The following ANKRD36 variants were observed in gnomAD, a reference collection of about 807,000 sequenced individuals.
The protein encoded by ANKRD36 is ankyrin repeat domain 36, also known as ankyrin repeat domain-containing protein 36A.
ANKRD36 carries 179 observed loss-of-function variants against 278.1 expected under a neutral mutation model. The ratio of observed to expected loss-of-function variants is 0.64; its 90% CI spans 0.57 to 0.73. The LOEUF is 0.73. Ranked by LOEUF, ANKRD36 falls within the 30% of genes least tolerant of loss-of-function variation. The pLI is 0.00. For missense variants in ANKRD36, 1,159 were observed against 1,956.7 expected (o/e 0.59, Z 7.69); for synonymous variants, 320 against 641.1 (o/e 0.50, Z 7.57).
At chr2:97,211,251 C>G (rs1352236499) in intron 56 of ANKRD36, among the ~76,000 whole-genome samples, 1 of 151,920 alleles carries the variant, frequency 6.6e-6, no homozygotes, top group Non-Finnish European at 1.5e-5. Flanking sequence ...TTTTAGATCA[C>G]TTTGTCCTCA....
chr2:97,216,443 G>T (rs1430725809), intron 62 of ANKRD36, among the ~76,000 whole-genome samples: 7 of 152,056 alleles, frequency 4.6e-5, no homozygotes, highest in Non-Finnish European at 7.3e-5. Flanking sequence ...GCTTGTAGCA[G>T]TTTTACTTTG....
intron 11 of ANKRD36, among the ~76,000 whole-genome samples, chr2:97,148,997 T>C (rs1276220599): frequency 1.4e-4 from 21 of 152,052 alleles, no homozygotes; most frequent in Admixed American, 3.3e-4. Flanking sequence ...CAAATTATTG[T>C]CTGGCTGTGC....
chr2:97,133,804 G>C (rs1404913670), intron 6 of ANKRD36, among the ~76,000 whole-genome samples: 3 of 151,938 alleles, frequency 2.0e-5, no homozygotes, highest in Non-Finnish European at 4.4e-5. Context: ...ATATTGAAAA[G>C]AACCTAAAGA....
At chr2:97,129,385 GA>G (rs1353033833) in intron 6 of ANKRD36, among the ~76,000 whole-genome samples, 1 of 152,010 alleles carries the variant, frequency 6.6e-6, no homozygotes, top group African/African-American at 2.4e-5. Context: ...TTTGTCAGAT[GA>G]GTAGGTTGCA....
intron 67 of ANKRD36, among the ~76,000 whole-genome samples, chr2:97,227,719 T>A (rs2070365540): frequency 6.6e-6 from 1 of 152,146 alleles, no homozygotes; most frequent in African/African-American, 2.4e-5. Flanking sequence ...GTGCCAGTTT[T>A]CAAAGGGAAT....
rs559187497 is a variant in ANKRD36 at position 97,182,237 on chromosome 2, A to G, written c.1837+444A>G. On this transcript the variant is annotated intron_variant, in intron 26 of 75. Transcript: ENST00000420699. ...GATGTAGCAATGACTTTCCTCAAGG[A>G]AGAGGATTGTCAGGCAGGAAGGAGG... is the stretch of plus-strand genomic sequence containing the variant. Among the ~76,000 whole-genome samples the G allele has an allele frequency of 1.2e-4, 18 of 146,178 alleles. No homozygotes were observed. The East Asian group carries it at 3.2e-3, about 26-fold the overall frequency.
chr2:97,179,793 A>T (rs2055581760), intron 23 of ANKRD36, 27 bp downstream of exon 23: 2 of 1,596,592 alleles, frequency 1.3e-6, no homozygotes, highest in African/African-American at 1.3e-5. Flanking sequence ...TTATATGTTG[A>T]ACTATTAACT....
chr2:97,132,050 A>G (rs1359269523), intron 6 of ANKRD36, among the ~76,000 whole-genome samples: 2 of 151,930 alleles, frequency 1.3e-5, no homozygotes, highest in African/African-American at 4.8e-5. Context: ...GATGGTCTGC[A>G]TCTCCTGACC....
chr2:97,157,435 C>G (rs1220203004), intron 15 of ANKRD36, among the ~76,000 whole-genome samples: 1 of 142,786 alleles, frequency 7.0e-6, no homozygotes, highest in Admixed American at 7.0e-5. Context: ...CCTTGCAGAC[C>G]GCATGTCTTT....
At chr2:97,186,845 T>A (rs2057507269) in intron 30 of ANKRD36, among the ~76,000 whole-genome samples, 1 of 151,920 alleles carries the variant, frequency 6.6e-6, no homozygotes, top group South Asian at 2.1e-4. Context: ...TGGGTGCATG[T>A]GCCACCTGCT....
chr2:97,185,790 T>A (rs948534979), intron 30 of ANKRD36, among the ~76,000 whole-genome samples: 1 of 151,784 alleles, frequency 6.6e-6, no homozygotes, highest in Admixed American at 6.6e-5. Context: ...ATAATTTTGC[T>A]TTAATTCTAC....
At chr2:97,131,814 T>G (rs1305156187) in intron 6 of ANKRD36, among the ~76,000 whole-genome samples, 1 of 151,934 alleles carries the variant, frequency 6.6e-6, no homozygotes, top group African/African-American at 2.4e-5. Flanking sequence ...CAAATTATTT[T>G]ATGTATGTTT....
intron 75 of ANKRD36, among the ~76,000 whole-genome samples, chr2:97,252,630 GTT>G (rs534578942): frequency 7.4e-6 from 1 of 134,380 alleles, no homozygotes; most frequent in African/African-American, 2.7e-5. Context: ...TGCCCAGCTA[GTT>G]TTTTTTTGTA....
intron 34 of ANKRD36, among the ~76,000 whole-genome samples, chr2:97,190,298 T>C (rs2058230563): frequency 1.1e-5 from 1 of 90,578 alleles, no homozygotes; most frequent in African/African-American, 2.6e-5. Flanking sequence ...TTATTGAGGC[T>C]GATATATTAT....
chr2:97,142,900 A>T, intron 8 of ANKRD36, 65 bp downstream of exon 8: 2 of 1,482,780 alleles, frequency 1.3e-6, no homozygotes, highest in Non-Finnish European at 1.8e-6. Context: ...TGTTCACTGA[A>T]TAAATCGCAG....
At chr2:97,203,955 AG>A (rs2062091197) in intron 48 of ANKRD36, 112 bp from the exon 49 acceptor site, 1 of 1,471,090 alleles carries the variant, frequency 6.8e-7, no homozygotes, top group African/African-American at 1.4e-5. Context: ...AAGCCATCAA[AG>A]CATACGCTAA....
chr2:97,186,898 A>G (rs940937282), intron 30 of ANKRD36, among the ~76,000 whole-genome samples: 6 of 151,866 alleles, frequency 4.0e-5, no homozygotes, highest in African/African-American at 1.4e-4. Context: ...CTGATTTTTG[A>G]TCACATTTGT....
chr2:97,145,395 T>C (rs1478745228), intron 10 of ANKRD36, among the ~76,000 whole-genome samples: 5 of 152,024 alleles, frequency 3.3e-5, no homozygotes, highest in Admixed American at 2.6e-4. Flanking sequence ...GCATCAGAGA[T>C]ATATGTTTTG....
rs1337765806 is a variant in ANKRD36 at position 97,154,799 on chromosome 2, T to C, written c.1260+58T>C. 5.9e-6 allele frequency: 8 copies of C among 1,353,224 alleles called. 1 individual carries two copies. In the East Asian group the frequency reaches 1.8e-4, roughly 30 times the overall value. The allele number at this position is 1,353,224 out of a possible 1,614,324, so 83.8% of individuals were successfully genotyped here. The stretch of plus-strand genomic sequence containing the variant: ...ATTCTGAATCTCATTTTTTGTATTA[T>C]TTTCTTCTAGCAAATAATAGGTAGC... On this transcript the variant is annotated intron_variant, in intron 15 of 75. Coordinates refer to ENST00000420699, the MANE Select transcript of ANKRD36 (RefSeq NM_001354587.1).
Sources: allele counts gnomAD v4.1 joint callset (sites outside exome capture counted in the v4.1 genomes callset), GRCh38; gene constraint gnomAD v4.1.1; transcripts MANE v1.5; gene names NCBI Gene and HGNC (gene_info 2026-07-23, HGNC 2026-07-21).